The following ARHGAP30 variants were observed in gnomAD, a reference collection of about 807,000 sequenced individuals.
ARHGAP30 encodes the protein rho GTPase-activating protein 30.
A neutral mutation model predicts 72.0 loss-of-function variants in ARHGAP30; 23 were observed. That is an observed-to-expected ratio of 0.32 (90% confidence interval 0.23 to 0.45). ARHGAP30 has a LOEUF of 0.45. ARHGAP30 is among the 20% of genes least tolerant of loss of function. ARHGAP30 has a pLI of 1.00. For missense variants in ARHGAP30, 1,319 were observed against 1,383.4 expected, an observed-to-expected ratio of 0.95 and a Z score of 0.74; for synonymous variants, 576 against 528.2, an observed-to-expected ratio of 1.09 and a Z score of -1.24.
rs569309380 is a variant in ARHGAP30, at chr1:161,049,472, G to A, written c.1638C>T (p.Asp546=). The A allele has an allele frequency of 8.1e-6, 13 of 1,613,688 alleles. No homozygotes were observed. The highest frequency in any genetic ancestry group is 1.1e-5 in the South Asian group (1 of 91,080). The change falls in exon 11 of 12, where the codon GAC becomes GAT. Residue 546 remains aspartate, a synonymous_variant. Coordinates refer to ENST00000368013, the MANE Select transcript of ARHGAP30 (RefSeq NM_001025598.2). ...CCTCCAGGTAGCCCATCCCAGGGTC[G>A]TCCTCCCCAGGGGAGAAGGCTGCTC... ...AAGAAFSPGE[D]DPGMGYLEEL...
At position 161,047,644 on chromosome 1, in the gene ARHGAP30, G is replaced by C. The variant is rs1650951928; in HGVS notation, c.*71C>G. 1.4e-6 allele frequency: 2 copies of C among 1,456,618 alleles called. No homozygotes were observed. The highest frequency in any genetic ancestry group is 2.4e-5 in the Admixed American group (1 of 40,828). 90.2% of individuals were successfully genotyped at this position (1,456,618 alleles called of 1,614,324 possible). On this transcript the variant is annotated 3_prime_UTR_variant, in exon 12 of 12. Transcript: ENST00000368013. ...CTACAGCTGCTCATGCTGCAGAGGAGACAGCTAGTCAGGAACCCTGGAGAT... is the reference window on the plus strand; with the variant it reads ...CTACAGCTGCTCATGCTGCAGAGGACACAGCTAGTCAGGAACCCTGGAGAT...
intron 1 of ARHGAP30, among the ~76,000 whole-genome samples, chr1:161,064,847 A>T (rs535412603): frequency 1.3e-5 from 1 of 77,186 alleles, no homozygotes; most frequent in African/African-American, 4.1e-5. Context: ...GAAAGAAAGA[A>T]AGGAAAGGAA....
chr1:161,059,564 T>C (rs1652167303), intron 2 of ARHGAP30, 50 bp downstream of exon 2: 7 of 1,511,136 alleles, frequency 4.6e-6, no homozygotes, highest in Non-Finnish European at 5.4e-6. Flanking sequence ...TGTGACCTTC[T>C]GGCTCCCTGG....
chr1:161,058,174 TG>T (rs1652027135), intron 2 of ARHGAP30, among the ~76,000 whole-genome samples: 1 of 138,298 alleles, frequency 7.2e-6, no homozygotes, highest in Non-Finnish European at 1.6e-5. Context: ...TAACCGGGAG[TG>T]GTGACATGTG....
intron 6 of ARHGAP30, 144 bp from the exon 7 acceptor site, chr1:161,052,941 C>T (rs1165520311): frequency 9.2e-7 from 1 of 1,086,942 alleles, no homozygotes; most frequent in Non-Finnish European, 1.3e-6. Context: ...TGTCCATCAC[C>T]TCAAAAGAGT....
At chr1:161,055,108 C>T (rs1651724911) in intron 3 of ARHGAP30, among the ~76,000 whole-genome samples, 1 of 152,168 alleles carries the variant, frequency 6.6e-6, no homozygotes, top group South Asian at 2.1e-4. Flanking sequence ...GATTTAGGGT[C>T]TCTCAGTGCT....
chr1:161,050,062 C>G (rs1399451801), intron 10 of ARHGAP30, among the ~76,000 whole-genome samples: 1 of 152,102 alleles, frequency 6.6e-6, no homozygotes, highest in Non-Finnish European at 1.5e-5. Flanking sequence ...ACTCTATAGC[C>G]CATGTTCTTA....
intron 2 of ARHGAP30, among the ~76,000 whole-genome samples, chr1:161,058,202 C>G (rs1274298442): frequency 1.3e-5 from 2 of 151,028 alleles, no homozygotes; most frequent in Non-Finnish European, 2.9e-5. Context: ...ATCCCAGCTA[C>G]TCGGGAGGCT....
At chr1:161,055,837 TAAAATA>T (rs1557926287) in intron 3 of ARHGAP30, among the ~76,000 whole-genome samples, 445 of 24,758 alleles carry the variant, frequency 0.018, 11 homozygotes, top group Middle Eastern at 0.031. Flanking sequence ...TAAAATAAAA[TAAAATA>T]AATAAAATAA....
At chr1:161,066,603 G>GAA (rs1337565182) in intron 1 of ARHGAP30, among the ~76,000 whole-genome samples, 3 of 130,784 alleles carry the variant, frequency 2.3e-5, no homozygotes, top group African/African-American at 8.7e-5. Flanking sequence ...CAAGATGGTT[G>GAA]TGCTGCACTC....
Position 161,047,323 on chromosome 1 carries a change from T to C in ARHGAP30, c.*392A>G, listed in dbSNP as rs544844350. ...TGTTTGTGTGTGGAAGGCCCTAACC[T>C]GGCCCTGTCCTCCCTGTCTCTACCT... On this transcript the variant is annotated 3_prime_UTR_variant, in exon 12 of 12. Transcript: ENST00000368013. The C allele has an allele frequency of 4.9e-4, 87 of 175,904 alleles. No individual in the cohort carries two copies. The highest frequency in any genetic ancestry group is 2.0e-3 in the African/African-American group (84 of 41,880). 10.9% of individuals were successfully genotyped at this position (175,904 alleles called of 1,614,324 possible). A position where few individuals can be genotyped will look rare whatever the true frequency, so the allele number is the denominator to read the frequency against.
At chr1:161,068,700 G>C (rs771755506) in intron 1 of ARHGAP30, among the ~76,000 whole-genome samples, 5 of 152,098 alleles carry the variant, frequency 3.3e-5, no homozygotes, top group Non-Finnish European at 5.9e-5. Context: ...TTGAGTGGCT[G>C]CTCCATGCCA....
In ARHGAP30 at chr1:161,051,302, A is replaced by G. The variant is rs368653459; in HGVS notation, c.1420+12T>C. 31 of 1,569,510 alleles carry G rather than the reference A, an allele frequency of 2.0e-5. No homozygotes were observed. The East Asian group carries it at 2.0e-4, about 10-fold the overall frequency. On this transcript the variant is annotated intron_variant, in intron 10 of 11. Coordinates refer to ENST00000368013, the MANE Select transcript of ARHGAP30 (RefSeq NM_001025598.2). ...CCCCTTTCCTAGTCTTGGTCAATCA[A>G]TGGGTCCTCACCTGGGGGGCCAGGG...
intron 3 of ARHGAP30, among the ~76,000 whole-genome samples, chr1:161,055,832 T>G (rs1290492448): frequency 4.3e-5 from 5 of 116,846 alleles, no homozygotes; most frequent in African/African-American, 1.6e-4. Flanking sequence ...TAAAATAAAA[T>G]AAAATAAAAT....
intron 3 of ARHGAP30, among the ~76,000 whole-genome samples, chr1:161,055,760 G>T (rs1352380035): frequency 2.1e-5 from 3 of 145,122 alleles, no homozygotes; most frequent in Non-Finnish European, 3.0e-5. Context: ...CTCCAGCCTG[G>T]GCAACAGAGT....
At chr1:161,056,625 G>A (rs1259859953) in intron 2 of ARHGAP30, 93 bp from the exon 3 acceptor site, 5 of 1,400,386 alleles carry the variant, frequency 3.6e-6, no homozygotes, top group Non-Finnish European at 4.8e-6. Flanking sequence ...CATGGTCGTG[G>A]GTCAACATGT....
chr1:161,062,457 G>A (rs920999349), intron 1 of ARHGAP30, among the ~76,000 whole-genome samples: 8 of 151,992 alleles, frequency 5.3e-5, no homozygotes, highest in Non-Finnish European at 1.0e-4. Flanking sequence ...GGCCAGGTGC[G>A]GTGGCTCACA....
intron 5 of ARHGAP30, 76 bp downstream of exon 5, chr1:161,054,290 C>G: frequency 1.5e-6 from 2 of 1,341,182 alleles, no homozygotes; most frequent in Non-Finnish European, 2.1e-6. Context: ...CACACAGTCA[C>G]ACCTCATCCT....
In ARHGAP30 at chr1:161,054,800, G is replaced by A. The variant is rs1651706860; in HGVS notation, c.346-95C>T. On this transcript the variant is annotated intron_variant, in intron 3 of 11. Transcript: ENST00000368013. ...GTAACCAAGTTCTCAGGAACAATGT[G>A]CACTGGACTCTGTGCTACCCCATCC... 9 of 1,073,664 alleles carry A rather than the reference G, an allele frequency of 8.4e-6. No homozygotes were observed. In the South Asian group the frequency reaches 1.0e-4, roughly 12 times the overall value. 66.5% of individuals were successfully genotyped at this position (1,073,664 alleles called of 1,614,324 possible).
Sources: gnomAD v4.1 joint callset for allele counts (sites outside exome capture counted in the v4.1 genomes callset) on GRCh38, gnomAD v4.1.1 for gene constraint, MANE v1.5 for transcripts, NCBI Gene and HGNC (gene_info 2026-07-23, HGNC 2026-07-21) for gene names.